The following PRMT3 variants were observed in gnomAD, a reference collection of about 807,000 sequenced individuals.
The protein encoded by PRMT3 is protein arginine methyltransferase 3.
A neutral mutation model predicts 71.9 loss-of-function variants in PRMT3; 62 were observed. The ratio of observed to expected loss-of-function variants is 0.86; its 90% CI spans 0.70 to 1.07. The LOEUF (loss-of-function observed/expected upper bound fraction) is 1.07. Among genes scored for constraint, PRMT3 ranks in the 50% least tolerant of loss-of-function variants. PRMT3 has a pLI of 0.00. For missense variants in PRMT3, 663 were observed against 643.0 expected, an observed-to-expected ratio of 1.03 and a Z score of -0.34; for synonymous variants, 213 against 220.4, an observed-to-expected ratio of 0.97 and a Z score of 0.30.
At chr11:20,403,773 C>T (rs545349609) in intron 8 of PRMT3, among the ~76,000 whole-genome samples, 1 of 152,138 alleles carries the variant, frequency 6.6e-6, no homozygotes, top group African/African-American at 2.4e-5. Context: ...AATTTTTTCC[C>T]ACTCTTTTTA....
intron 9 of PRMT3, among the ~76,000 whole-genome samples, chr11:20,411,628 G>A (rs1849194131): frequency 6.6e-6 from 1 of 152,018 alleles, no homozygotes; most frequent in Non-Finnish European, 1.5e-5. Flanking sequence ...CAGAGAAATA[G>A]CATTTGTGAC....
intron 13 of PRMT3, among the ~76,000 whole-genome samples, chr11:20,484,620 T>C (rs1851027129): frequency 6.6e-6 from 1 of 152,190 alleles, no homozygotes; most frequent in Non-Finnish European, 1.5e-5. Context: ...TGCTCCTCTT[T>C]GCCTTCCACC....
At position 20,404,238 on chromosome 11, in the gene PRMT3, T is replaced by TTGTTTTGTTTTG. The variant is rs1565196891; in HGVS notation, c.771+1255_771+1256insGTTTTGTTTTGT. On this transcript the variant is annotated intron_variant, in intron 8 of 15. Transcript: ENST00000331079. ...TTTTTTTTTTTTTTTTTTTTTTTTT[T>TTGTTTTGTTTTG]TTTTTTTTTTTTTTGAGACAGAGTC... is the stretch of plus-strand genomic sequence containing the variant. Among the ~76,000 whole-genome samples, 4 of 117,736 alleles carry TTGTTTTGTTTTG rather than the reference T, an allele frequency of 3.4e-5. No homozygotes were observed. In the East Asian group the frequency reaches 9.6e-4, roughly 28 times the overall value. The allele number at this position is 117,736 out of a possible 152,430, so 77.2% of individuals were successfully genotyped here. A position where few individuals can be genotyped will look rare whatever the true frequency, so the allele number is the denominator to read the frequency against.
At chr11:20,484,009 GA>G (rs1851010572) in intron 13 of PRMT3, among the ~76,000 whole-genome samples, 2 of 152,152 alleles carry the variant, frequency 1.3e-5, no homozygotes, top group African/African-American at 4.8e-5. Context: ...CAAAGGTTGG[GA>G]CAGGTTGACC....
intron 10 of PRMT3, among the ~76,000 whole-genome samples, chr11:20,430,519 T>G (rs906093663): frequency 6.6e-6 from 1 of 152,222 alleles, no homozygotes; most frequent in Non-Finnish European, 1.5e-5. Flanking sequence ...AACAATCACT[T>G]GGCTTGCATT....
At chr11:20,463,461 G>T (rs1351111167) in intron 12 of PRMT3, among the ~76,000 whole-genome samples, 2 of 152,068 alleles carry the variant, frequency 1.3e-5, no homozygotes, top group Non-Finnish European at 2.9e-5. Flanking sequence ...GTTGGTGGAG[G>T]TTGCTGATTT....
intron 9 of PRMT3, among the ~76,000 whole-genome samples, chr11:20,421,339 A>G (rs2133344041): frequency 6.6e-6 from 1 of 152,226 alleles, no homozygotes; most frequent in South Asian, 2.1e-4. Context: ...CTCCTGGCCT[A>G]TTGTTAATAT....
intron 13 of PRMT3, among the ~76,000 whole-genome samples, chr11:20,481,950 T>C (rs1275983456): frequency 6.7e-6 from 1 of 149,296 alleles, no homozygotes; most frequent in Non-Finnish European, 1.5e-5. Context: ...GAAAAAATTA[T>C]TAAGAAGATA....
At chr11:20,437,659 G>T (rs532552127) in intron 10 of PRMT3, among the ~76,000 whole-genome samples, 1 of 151,816 alleles carries the variant, frequency 6.6e-6, no homozygotes, top group Non-Finnish European at 1.5e-5. Flanking sequence ...GTGCGATCTC[G>T]GCTCAATGCA....
chr11:20,486,781 GCA>G (rs1450511454), intron 13 of PRMT3, among the ~76,000 whole-genome samples: 2 of 152,178 alleles, frequency 1.3e-5, no homozygotes, highest in Non-Finnish European at 2.9e-5. Flanking sequence ...ACTTGGCTGG[GCA>G]CAGTGGCTCA....
chr11:20,469,225 G>T (rs1850586030), intron 13 of PRMT3, among the ~76,000 whole-genome samples: 1 of 152,104 alleles, frequency 6.6e-6, no homozygotes, highest in Admixed American at 6.6e-5. Flanking sequence ...GATTTTTGTG[G>T]AAAGTTTATA....
At chr11:20,487,858 T>G (rs1025418684) in intron 13 of PRMT3, among the ~76,000 whole-genome samples, 3 of 152,192 alleles carry the variant, frequency 2.0e-5, no homozygotes, top group Non-Finnish European at 4.4e-5. Context: ...AATTTTGAAA[T>G]TACAAGGAAG....
intron 8 of PRMT3, chr11:20,405,982 C>T (rs1280528151): frequency 6.6e-6 from 1 of 152,156 alleles, no homozygotes; most frequent in African/African-American, 2.4e-5. Flanking sequence ...TTCCTCCCAG[C>T]CCCTGGAAAT....
intron 6 of PRMT3, among the ~76,000 whole-genome samples, chr11:20,397,342 A>C (rs1196552313): frequency 6.6e-6 from 1 of 152,232 alleles, no homozygotes; most frequent in African/African-American, 2.4e-5. Context: ...AAGGAGCTAC[A>C]ATCTGCGGTT....
intron 15 of PRMT3, among the ~76,000 whole-genome samples, chr11:20,496,624 G>C (rs1021214854): frequency 3.3e-4 from 37 of 112,234 alleles, no homozygotes; most frequent in Non-Finnish European, 6.3e-4. Flanking sequence ...CAACTGGGGT[G>C]GGGGGTGGGG....
At chr11:20,404,244 T>TG (rs1849021980) in intron 8 of PRMT3, among the ~76,000 whole-genome samples, 1 of 53,802 alleles carries the variant, frequency 1.9e-5, no homozygotes, top group Admixed American at 1.7e-4. Flanking sequence ...TTTTTTTTTT[T>TG]TTTTTTTTGA....
rs1246559963 is a variant in PRMT3 at position 20,403,104 on chromosome 11, A to C, written c.771+120A>C. 6.6e-6 allele frequency: 5 copies of C among 753,016 alleles called. No homozygotes were observed. In the East Asian group the frequency reaches 1.0e-4, roughly 16 times the overall value. The allele number at this position is 753,016 out of a possible 1,614,324, so 46.6% of individuals were successfully genotyped here. A position where few individuals can be genotyped will look rare whatever the true frequency, so the allele number is the denominator to read the frequency against. On this transcript the variant is annotated intron_variant, in intron 8 of 15. Coordinates refer to ENST00000331079, the MANE Select transcript of PRMT3 (RefSeq NM_005788.4). ...ACATCTTCTGTCTGTATTTCATGGAAGACATTTATGATGCTGCTCTGTGGT... is the reference window on the plus strand; with the variant it reads ...ACATCTTCTGTCTGTATTTCATGGACGACATTTATGATGCTGCTCTGTGGT...
chr11:20,446,172 G>A (rs897218568), intron 10 of PRMT3, among the ~76,000 whole-genome samples: 2 of 152,152 alleles, frequency 1.3e-5, no homozygotes, highest in South Asian at 2.1e-4. Context: ...CCAAAGTACT[G>A]CAGTAAAATT....
intron 13 of PRMT3, among the ~76,000 whole-genome samples, chr11:20,476,338 C>A (rs1263842444): frequency 6.6e-6 from 1 of 152,060 alleles, no homozygotes; most frequent in Non-Finnish European, 1.5e-5. Context: ...GGCAATAGAG[C>A]AAAAACTCCA....
Sources: allele counts gnomAD v4.1 joint callset (sites outside exome capture counted in the v4.1 genomes callset), GRCh38; gene constraint gnomAD v4.1.1; transcripts MANE v1.5; gene names NCBI Gene and HGNC (gene_info 2026-07-23, HGNC 2026-07-21).